SETBP1: variants seen among roughly 807,000 people sequenced by gnomAD.
SETBP1 encodes SET binding protein 1, also known as SET-binding protein.
A neutral mutation model predicts 101.0 loss-of-function variants in SETBP1; 9 were observed. The observed-to-expected ratio is 0.09, with a 90% CI of 0.05 to 0.16. The LOEUF is 0.16. SETBP1 is among the 10% of genes least tolerant of loss of function. SETBP1 has a pLI of 1.00. For missense variants in SETBP1, 1,858 were observed against 2,033.8 expected (o/e 0.91, Z 1.66); for synonymous variants, 818 against 788.5 (o/e 1.04, Z -0.63).
chr18:45,049,694 C>T (rs1331236928), intron 5 of SETBP1, among the ~76,000 whole-genome samples: 5 of 152,144 alleles, frequency 3.3e-5, no homozygotes, highest in Non-Finnish European at 5.9e-5. Flanking sequence ...TGGCTCCCTA[C>T]AGGGAGCCAT....
At chr18:44,748,196 G>A (rs1186436845) in intron 2 of SETBP1, among the ~76,000 whole-genome samples, 3 of 152,064 alleles carry the variant, frequency 2.0e-5, no homozygotes, top group African/African-American at 7.2e-5. Flanking sequence ...TGGAAAGGAA[G>A]GATGGGAAGG....
rs578234068 is a variant in SETBP1, at chr18:44,736,293, C to G, written c.486+34461C>G. Among the ~76,000 whole-genome samples, 4 of 152,280 alleles carry G rather than the reference C, an allele frequency of 2.6e-5. No homozygotes were observed. The South Asian group carries it at 8.3e-4, about 32-fold the overall frequency. The stretch of plus-strand genomic sequence containing the variant: ...ACTCAGGATGCTGAGGAAGAAGGAT[C>G]ATTTGAGCCTGGGAGGTCGAGGCTG... On this transcript the variant is annotated intron_variant, in intron 2 of 5. Transcript: ENST00000649279.
At chr18:44,742,970 T>TC (rs958072428) in intron 2 of SETBP1, among the ~76,000 whole-genome samples, 13 of 114,568 alleles carry the variant, frequency 1.1e-4, no homozygotes, top group African/African-American at 3.8e-4. Context: ...TCTCTCTCTC[T>TC]CCCCCCCTGT....
At chr18:44,736,160 G>A (rs188738074) in intron 2 of SETBP1, among the ~76,000 whole-genome samples, 1 of 152,280 alleles carries the variant, frequency 6.6e-6, no homozygotes, top group East Asian at 1.9e-4. Flanking sequence ...CAAGGCAGGA[G>A]AATCGCTTGA....
intron 3 of SETBP1, among the ~76,000 whole-genome samples, chr18:44,885,857 C>CAAAAAAAAA (rs1555696149): frequency 1.3e-5 from 1 of 78,166 alleles, no homozygotes; most frequent in African/African-American, 5.8e-5. Flanking sequence ...AAAAAAAAAA[C>CAAAAAAAAA]AAAAAAAAAA....
chr18:45,054,436 T>C (rs2073774413), intron 5 of SETBP1, among the ~76,000 whole-genome samples: 1 of 152,118 alleles, frequency 6.6e-6, no homozygotes, highest in African/African-American at 2.4e-5. Flanking sequence ...TCCACCCACC[T>C]CAGCCTCCCA....
chr18:44,696,155 T>G (rs2069014650), intron 1 of SETBP1, among the ~76,000 whole-genome samples: 1 of 152,196 alleles, frequency 6.6e-6, no homozygotes, highest in African/African-American at 2.4e-5. Flanking sequence ...TCTTGAGTGT[T>G]GATTATGTGT....
chr18:44,936,410 A>G (rs527634453), intron 3 of SETBP1, among the ~76,000 whole-genome samples: 1 of 152,346 alleles, frequency 6.6e-6, no homozygotes, highest in African/African-American at 2.4e-5. Context: ...TGAAGTGGTC[A>G]CCTTGCAGCT....
At chr18:44,918,004 G>A (rs1044448146) in intron 3 of SETBP1, among the ~76,000 whole-genome samples, 14 of 152,082 alleles carry the variant, frequency 9.2e-5, no homozygotes, top group African/African-American at 3.4e-4. Context: ...GTTCACCATG[G>A]CCCTCCCACA....
intron 3 of SETBP1, among the ~76,000 whole-genome samples, chr18:44,895,255 A>G (rs1250562089): frequency 4.5e-5 from 2 of 44,592 alleles, no homozygotes; most frequent in African/African-American, 9.4e-5. Flanking sequence ...GGAGGGAGGG[A>G]GGAAGGAAGG....
chr18:44,817,352 G>A (rs145470287), intron 2 of SETBP1, among the ~76,000 whole-genome samples: 180 of 152,110 alleles, frequency 1.2e-3, no homozygotes, highest in African/African-American at 3.8e-3. Flanking sequence ...AGTCTCTGTC[G>A]TTGTCAGACC....
chr18:44,891,441 A>T (rs694808), intron 3 of SETBP1, among the ~76,000 whole-genome samples: 1 of 152,044 alleles, frequency 6.6e-6, no homozygotes, highest in East Asian at 1.9e-4. Flanking sequence ...TGCAGTGCTT[A>T]GATTTTACCT....
At chr18:45,028,371 T>C (rs1313042392) in intron 4 of SETBP1, among the ~76,000 whole-genome samples, 5 of 152,028 alleles carry the variant, frequency 3.3e-5, no homozygotes, top group African/African-American at 1.2e-4. Flanking sequence ...TAGTATTCCA[T>C]GGTGTATATG....
Position 44,684,854 on chromosome 18 carries a change from C to T in SETBP1, c.-173+3833C>T, listed in dbSNP as rs1598987007. ...TAGAGACGGGGTTTCACCATGTTGG[C>T]CAGGCTGCTCTTGAACTCCGGACAT... On this transcript the variant is annotated intron_variant, in intron 1 of 5. Coordinates refer to ENST00000649279, the MANE Select transcript of SETBP1 (RefSeq NM_015559.3). Among the ~76,000 whole-genome samples, 2 of 152,180 alleles carry T rather than the reference C, an allele frequency of 1.3e-5. 1 individual carries two copies. Among genetic ancestry groups the T allele is most frequent in the East Asian group, 3.9e-4 (2 of 5,180 alleles).
At chr18:45,061,899 T>C (rs1295902962) in intron 5 of SETBP1, among the ~76,000 whole-genome samples, 1 of 152,252 alleles carries the variant, frequency 6.6e-6, no homozygotes, top group Non-Finnish European at 1.5e-5. Flanking sequence ...GGGTTGAACA[T>C]GCAGCGTAAA....
At chr18:44,944,198 TA>T (rs1568230060) in intron 3 of SETBP1, among the ~76,000 whole-genome samples, 2 of 152,146 alleles carry the variant, frequency 1.3e-5, no homozygotes, top group African/African-American at 2.4e-5. Flanking sequence ...TCACTTGGAA[TA>T]CCTACACAGG....
chr18:45,026,851 CCAA>C (rs1249288671), intron 4 of SETBP1, among the ~76,000 whole-genome samples: 6 of 152,082 alleles, frequency 3.9e-5, no homozygotes, highest in Non-Finnish European at 8.8e-5. Context: ...CGTGTACAAA[CCAA>C]CTTAGGCAAG....
At chr18:44,936,736 G>C (rs558732976) in intron 3 of SETBP1, among the ~76,000 whole-genome samples, 2 of 152,134 alleles carry the variant, frequency 1.3e-5, no homozygotes, top group African/African-American at 4.8e-5. Flanking sequence ...CCAAGGACAC[G>C]CAGATAGACT....
chr18:44,837,523 A>G (rs2072523599), intron 2 of SETBP1, among the ~76,000 whole-genome samples: 1 of 152,222 alleles, frequency 6.6e-6, no homozygotes. Flanking sequence ...AACTAAGAAT[A>G]TATGCCCTTG....
Sources: allele counts gnomAD v4.1 joint callset (sites outside exome capture counted in the v4.1 genomes callset), GRCh38; gene constraint gnomAD v4.1.1; transcripts MANE v1.5; gene names NCBI Gene and HGNC (gene_info 2026-07-23, HGNC 2026-07-21).